The following ADAM9 variants were observed in gnomAD, a reference collection of about 807,000 sequenced individuals.
ADAM9 encodes the protein disintegrin and metalloproteinase domain-containing protein 9.
Under a neutral mutation model 108.1 loss-of-function variants are expected in ADAM9, and 54 were observed. The observed-to-expected ratio is 0.50, with a 90% confidence interval of 0.40 to 0.63. The LOEUF is 0.63. Ranked by LOEUF, ADAM9 falls within the 20% of genes least tolerant of loss-of-function variation. The pLI, the probability that ADAM9 is intolerant of heterozygous loss-of-function variation, is 0.00. For synonymous variants in ADAM9, 316 were observed against 336.0 expected (o/e 0.94, Z 0.65); for missense variants, 830 against 997.7 (o/e 0.83, Z 2.26).
intron 1 of ADAM9, among the ~76,000 whole-genome samples, chr8:38,999,218 G>A (rs1454138702): frequency 6.6e-6 from 1 of 152,148 alleles, no homozygotes; most frequent in African/African-American, 2.4e-5. Context: ...CCAGGCACAC[G>A]TCAGTTACAT....
At position 39,102,042 on chromosome 8, in the gene ADAM9, A is replaced by C; in HGVS notation, c.2366+112A>C. Reference sequence around the variant, plus strand: ...TTAGTGAAAGGTATTTATTGTCAACAGTTTACAAGAATATGATTTGCAGAA... The same window carrying C: ...TTAGTGAAAGGTATTTATTGTCAACCGTTTACAAGAATATGATTTGCAGAA... On this transcript the variant is annotated intron_variant, in intron 21 of 21. Transcript: ENST00000487273. The C allele has an allele frequency of 3.3e-6, 3 of 911,144 alleles. No individual in the cohort carries two copies. In the South Asian group the frequency reaches 4.4e-5, roughly 13 times the overall value. The allele number at this position is 911,144 out of a possible 1,614,324, so 56.4% of individuals were successfully genotyped here.
intron 12 of ADAM9, among the ~76,000 whole-genome samples, chr8:39,052,404 A>G (rs1001902389): frequency 6.6e-6 from 1 of 152,084 alleles, no homozygotes; most frequent in Non-Finnish European, 1.5e-5. Context: ...CTTTATTTAT[A>G]GCTTATTTAA....
intron 14 of ADAM9, among the ~76,000 whole-genome samples, chr8:39,066,041 G>A (rs1036998820): frequency 3.9e-5 from 6 of 152,122 alleles, no homozygotes; most frequent in South Asian, 2.1e-4. Flanking sequence ...TGAGAATGAC[G>A]GTTTCCAGCT....
intron 14 of ADAM9, among the ~76,000 whole-genome samples, chr8:39,058,904 T>C (rs1388397398): frequency 6.6e-6 from 1 of 152,170 alleles, no homozygotes; most frequent in Non-Finnish European, 1.5e-5. Flanking sequence ...AAAATCAGCA[T>C]TGGATGTTGG....
chr8:39,004,300 A>G (rs1836093113), intron 1 of ADAM9, among the ~76,000 whole-genome samples: 1 of 150,970 alleles, frequency 6.6e-6, no homozygotes, highest in East Asian at 2.0e-4. Flanking sequence ...TGCAGCCTTG[A>G]TCTCCCAGGC....
intron 11 of ADAM9, among the ~76,000 whole-genome samples, chr8:39,035,394 T>G (rs533629759): frequency 1.2e-3 from 184 of 152,366 alleles, no homozygotes; most frequent in African/African-American, 4.4e-3. Flanking sequence ...GGCTATCATT[T>G]GATAATCCTA....
chr8:39,086,066 G>A (rs1047550592), intron 18 of ADAM9, among the ~76,000 whole-genome samples: 4 of 152,012 alleles, frequency 2.6e-5, no homozygotes, highest in Admixed American at 2.0e-4. Context: ...CCAGGCTGGA[G>A]TGCAGTGGTA....
chr8:39,069,081 G>C (rs28563781), intron 14 of ADAM9, among the ~76,000 whole-genome samples: 62,419 of 151,874 alleles, frequency 0.41, 13,610 homozygotes, highest in East Asian at 0.73. Context: ...TTATCTCCGA[G>C]GAATTCTACG....
At chr8:39,047,071 A>ATTAATTGATTTTTGTATATTGAGCC (rs1208173718) in intron 12 of ADAM9, among the ~76,000 whole-genome samples, 1 of 152,204 alleles carries the variant, frequency 6.6e-6, no homozygotes, top group Non-Finnish European at 1.5e-5. Context: ...ACCTGATCTC[A>ATTAATTGATTTTTGTATATTGAGCC]TTAATTGATT....
At chr8:39,005,133 T>C (rs1008904658) in intron 1 of ADAM9, among the ~76,000 whole-genome samples, 3 of 152,148 alleles carry the variant, frequency 2.0e-5, no homozygotes, top group African/African-American at 7.2e-5. Flanking sequence ...TCCTAAAGAT[T>C]GTAGAGGGAC....
chr8:39,055,575 A>G lies in ADAM9; in HGVS notation c.1396-2A>G, dbSNP rs786205151. 6.2e-7 allele frequency: 1 copy of G among 1,613,332 alleles called. No individual in the cohort carries two copies. The highest frequency in any genetic ancestry group is 8.5e-7 in the Non-Finnish European group (1 of 1,179,408). On this transcript the variant is annotated splice_acceptor_variant, in intron 13 of 21. Transcript: ENST00000487273. LOFTEE classifies it high-confidence loss of function. Reference sequence around the variant, plus strand: ...TGTTTAATTTGAATTCTATTTCACTAGTTCCTTCCAGGAGGTACTTTATGC... The same window carrying G: ...TGTTTAATTTGAATTCTATTTCACTGGTTCCTTCCAGGAGGTACTTTATGC...
intron 12 of ADAM9, among the ~76,000 whole-genome samples, chr8:39,042,504 T>C (rs1413385904): frequency 2.0e-5 from 3 of 152,194 alleles, no homozygotes; most frequent in Non-Finnish European, 4.4e-5. Flanking sequence ...TAAAAATGAA[T>C]TGGAGCTGGC....
At chr8:39,068,740 G>A (rs1211612025) in intron 14 of ADAM9, among the ~76,000 whole-genome samples, 2 of 141,144 alleles carry the variant, frequency 1.4e-5, no homozygotes, top group East Asian at 2.2e-4. Flanking sequence ...ATTCTGGGAG[G>A]GAAACAGGAG....
chr8:39,102,197 C>G (rs970067007), intron 21 of ADAM9, among the ~76,000 whole-genome samples: 4 of 152,084 alleles, frequency 2.6e-5, no homozygotes, highest in Admixed American at 2.6e-4. Context: ...AAGCAAGGGC[C>G]TTTGAGATAA....
At chr8:39,002,444 G>A (rs1226461023) in intron 1 of ADAM9, among the ~76,000 whole-genome samples, 4 of 147,820 alleles carry the variant, frequency 2.7e-5, no homozygotes, top group East Asian at 4.2e-4. Context: ...TCAGCCTCCC[G>A]AGTAGCTGGG....
At chr8:39,045,137 TA>T (rs1320472830) in intron 12 of ADAM9, among the ~76,000 whole-genome samples, 1 of 111,764 alleles carries the variant, frequency 8.9e-6, no homozygotes, top group Non-Finnish European at 2.0e-5. Flanking sequence ...CATACATACA[TA>T]TATGTGTATA....
intron 12 of ADAM9, among the ~76,000 whole-genome samples, chr8:39,045,421 C>CACACACCTATAGGTGCGTGTGT (rs1837709728): frequency 1.6e-5 from 1 of 62,808 alleles, no homozygotes; most frequent in Admixed American, 1.7e-4. Context: ...CGCGTGTGTA[C>CACACACCTATAGGTGCGTGTGT]ACACACCTAT....
rs560701496 is a variant in ADAM9, at chr8:39,004,472, C to T, written c.98-3414C>T. On this transcript the variant is annotated intron_variant, in intron 1 of 21. Transcript: ENST00000487273. The stretch of plus-strand genomic sequence containing the variant: ...TCAAGTGATCCTCCTGCCTTGGCCT[C>T]CCAAAGTGCTAGGATTACAGGGTTG... Among the ~76,000 whole-genome samples, 346 of 152,272 alleles carry T rather than the reference C, an allele frequency of 2.3e-3. 1 individual carries two copies. The highest frequency in any genetic ancestry group is 6.8e-3 in the Middle Eastern group (2 of 292).
chr8:39,023,593 G>T lies in ADAM9; in HGVS notation c.914+268G>T, dbSNP rs145888911. ...TTTTTTGTGAACGGATATATAGAAAGAAAACATTTTGACCTCCTGTGTGTC... is the reference window on the plus strand; with the variant it reads ...TTTTTTGTGAACGGATATATAGAAATAAAACATTTTGACCTCCTGTGTGTC... On this transcript the variant is annotated intron_variant, in intron 9 of 21. Coordinates refer to ENST00000487273, the MANE Select transcript of ADAM9 (RefSeq NM_003816.3). Among the ~76,000 whole-genome samples, 432 of 152,052 alleles carry T rather than the reference G, an allele frequency of 2.8e-3. 2 individuals are homozygous for T. The highest frequency in any genetic ancestry group is 9.9e-3 in the African/African-American group (412 of 41,480).
Sources: gnomAD v4.1 joint callset for allele counts (sites outside exome capture counted in the v4.1 genomes callset) on GRCh38, gnomAD v4.1.1 for gene constraint, MANE v1.5 for transcripts, NCBI Gene and HGNC (gene_info 2026-07-23, HGNC 2026-07-21) for gene names.